RTL4: variants seen among roughly 807,000 people sequenced by gnomAD.
The protein encoded by RTL4 is retrotransposon Gag-like protein 4.
A neutral mutation model predicts 5.3 loss-of-function variants in RTL4; 4 were observed. The observed-to-expected ratio is 0.75, with a 90% CI of 0.37 to 1.72. The LOEUF is 1.72. RTL4 is among the 40% of genes most tolerant of loss of function. RTL4 has a pLI of 0.04. For synonymous variants in RTL4, 98 were observed against 87.3 expected (o/e 1.12, Z -0.68); for missense variants, 260 against 227.1 (o/e 1.14, Z -0.93).
At chrX:112,224,749 G>A in the RTL4 span, among the ~76,000 whole-genome samples, 1 of 111,586 alleles carries the variant, frequency 9.0e-6, no homozygotes, top group Admixed American at 9.6e-5. Flanking sequence ...CTGGTCACAT[G>A]AAACAACTAC....
chrX:112,246,707 C>T, the RTL4 span, among the ~76,000 whole-genome samples: 2 of 111,637 alleles, frequency 1.8e-5, no homozygotes, highest in African/African-American at 6.5e-5. Context: ...TGCTTCAGCT[C>T]ACCCTCTGTG....
At chrX:112,131,106 G>A in the RTL4 span, among the ~76,000 whole-genome samples, 1 of 109,060 alleles carries the variant, frequency 9.2e-6, no homozygotes, top group African/African-American at 3.4e-5. Context: ...GCCTGGGTGA[G>A]TTTTATAAAA....
the RTL4 span, among the ~76,000 whole-genome samples, chrX:112,268,990 C>G: frequency 8.9e-6 from 1 of 112,124 alleles, no homozygotes; most frequent in Non-Finnish European, 1.9e-5. Context: ...TTCAATTTCT[C>G]TCAGTTCCAT....
chrX:112,315,112 T>C, the RTL4 span, among the ~76,000 whole-genome samples: 4,795 of 111,564 alleles, frequency 0.043, 270 homozygotes, highest in African/African-American at 0.15. Context: ...GAAAAAAACC[T>C]TATATTGCTG....
At chrX:112,096,642 A>T in the RTL4 span, among the ~76,000 whole-genome samples, 1 of 111,825 alleles carries the variant, frequency 8.9e-6, no homozygotes, top group African/African-American at 3.2e-5. Context: ...CATCTACACT[A>T]AACAATATGG....
the RTL4 span, among the ~76,000 whole-genome samples, chrX:112,193,033 G>C: frequency 2.7e-5 from 3 of 111,398 alleles, no homozygotes; most frequent in East Asian, 8.4e-4. Context: ...TAAAATCCTT[G>C]GTTGACAGGT....
the RTL4 span, among the ~76,000 whole-genome samples, chrX:112,278,098 G>T: frequency 8.9e-6 from 1 of 112,052 alleles, no homozygotes; most frequent in Non-Finnish European, 1.9e-5. Flanking sequence ...TTACCCAAGA[G>T]AAATATAAAT....
chrX:112,358,476 G>A, the RTL4 span, among the ~76,000 whole-genome samples: 2 of 111,444 alleles, frequency 1.8e-5, no homozygotes, highest in Non-Finnish European at 3.8e-5. Context: ...TTAAGTGACT[G>A]AAAACACATC....
chrX:112,310,191 C>A, the RTL4 span, among the ~76,000 whole-genome samples: 20 of 98,143 alleles, frequency 2.0e-4, no homozygotes, highest in African/African-American at 7.4e-4. Context: ...TTTGGGGTGG[C>A]AGTTAGGTTT....
chrX:112,364,109 G>A, the RTL4 span, among the ~76,000 whole-genome samples: 9 of 112,115 alleles, frequency 8.0e-5, no homozygotes, highest in Admixed American at 9.4e-5. Context: ...AAGAACGTGG[G>A]TAATGGGAAT....
At chrX:112,202,506 G>A in the RTL4 span, among the ~76,000 whole-genome samples, 133 of 107,341 alleles carry the variant, frequency 1.2e-3, no homozygotes, top group African/African-American at 4.3e-3. Flanking sequence ...CTCTTGTTGA[G>A]TCATATGGTA....
chrX:112,369,733 C>G, the RTL4 span, among the ~76,000 whole-genome samples: 1 of 111,999 alleles, frequency 8.9e-6, no homozygotes, highest in Non-Finnish European at 1.9e-5. Context: ...TGCTTTAATA[C>G]GATTCCTTTG....
chrX:112,373,447 T>C, the RTL4 span, among the ~76,000 whole-genome samples: 1 of 111,368 alleles, frequency 9.0e-6, no homozygotes, highest in Non-Finnish European at 1.9e-5. Flanking sequence ...CAGTTTTCTT[T>C]TGAGTGTTCA....
At chrX:112,444,032 A>G in the RTL4 span, among the ~76,000 whole-genome samples, 3 of 111,681 alleles carry the variant, frequency 2.7e-5, no homozygotes, top group Admixed American at 1.9e-4. Flanking sequence ...AATGTCCTAA[A>G]GAGTCTCCAC....
At chrX:112,305,779 T>C in the RTL4 span, among the ~76,000 whole-genome samples, 5 of 112,302 alleles carry the variant, frequency 4.5e-5, no homozygotes, top group African/African-American at 1.6e-4. Flanking sequence ...GTCAGTGCTG[T>C]ACTCTCAGAG....
chrX:112,196,687 T>C, the RTL4 span, among the ~76,000 whole-genome samples: 8 of 111,897 alleles, frequency 7.1e-5, no homozygotes, highest in Non-Finnish European at 1.5e-4. Flanking sequence ...GGGTGTGTAG[T>C]GACATCTCCT....
At chrX:112,269,521 A>T in the RTL4 span, among the ~76,000 whole-genome samples, 1 of 111,695 alleles carries the variant, frequency 9.0e-6, no homozygotes, top group African/African-American at 3.3e-5. Flanking sequence ...CACTTATAAA[A>T]TGGACCAAAC....
At chrX:112,106,625 T>A in the RTL4 span, among the ~76,000 whole-genome samples, 1 of 112,117 alleles carries the variant, frequency 8.9e-6, no homozygotes. Flanking sequence ...GATGTACTAC[T>A]TTATACTTCC....
chrX:112,426,287 T>C, the RTL4 span, among the ~76,000 whole-genome samples: 1 of 111,476 alleles, frequency 9.0e-6, no homozygotes, highest in Admixed American at 9.6e-5. Flanking sequence ...ATTTATTCAT[T>C]TATTCTTTCA....
Sources: gnomAD v4.1 joint callset for allele counts (sites outside exome capture counted in the v4.1 genomes callset) on GRCh38, gnomAD v4.1.1 for gene constraint, MANE v1.5 for transcripts, NCBI Gene and HGNC (gene_info 2026-07-23, HGNC 2026-07-21) for gene names.